SCN8A: variants seen among roughly 807,000 people sequenced by gnomAD.
SCN8A encodes the protein sodium channel protein type 8 subunit alpha.
SCN8A carries 30 observed loss-of-function variants against 184.1 expected under a neutral mutation model. The ratio of observed to expected loss-of-function variants is 0.16; its 90% CI spans 0.12 to 0.22. The LOEUF (loss-of-function observed/expected upper bound fraction) is 0.22. Ranked by LOEUF, SCN8A falls within the 10% of genes least tolerant of loss-of-function variation. The pLI, the probability that SCN8A is intolerant of heterozygous loss-of-function variation, is 1.00. For missense variants in SCN8A, 1,057 were observed against 2,498.9 expected, an observed-to-expected ratio of 0.42 and a Z score of 12.30; for synonymous variants, 852 against 907.0, an observed-to-expected ratio of 0.94 and a Z score of 1.09.
intron 26 of SCN8A, among the ~76,000 whole-genome samples, chr12:51,805,678 A>G (rs1316206229): frequency 1.3e-5 from 2 of 152,098 alleles, no homozygotes; most frequent in South Asian, 2.1e-4. Context: ...GGATCACTTG[A>G]GCCCAGGAGT....
At chr12:51,640,139 G>A (rs1940416263) in intron 1 of SCN8A, among the ~76,000 whole-genome samples, 1 of 136,294 alleles carries the variant, frequency 7.3e-6, no homozygotes, top group Non-Finnish European at 1.5e-5. Flanking sequence ...TTAAACTATT[G>A]GCCTCAGGTG....
chr12:51,780,313 G>C, intron 20 of SCN8A: 1 of 424,300 alleles, frequency 2.4e-6, no homozygotes, highest in Non-Finnish European at 4.7e-6. Flanking sequence ...TCCTTCCAGT[G>C]GAACTTCCTC....
chr12:51,790,317 C>T (rs1486992527), intron 24 of SCN8A, 81 bp from the exon 25 acceptor site: 1 of 917,226 alleles, frequency 1.1e-6, no homozygotes, highest in Non-Finnish European at 1.7e-6. Context: ...CCCCTCAGTT[C>T]TCAGTATTGA....
At chr12:51,660,266 G>A (rs1400436859) in intron 1 of SCN8A, among the ~76,000 whole-genome samples, 4 of 152,196 alleles carry the variant, frequency 2.6e-5, no homozygotes, top group African/African-American at 9.7e-5. Context: ...CAGTCTTGGA[G>A]AAGACAGGAA....
Position 51,651,137 on chromosome 12 carries a change from C to T in SCN8A, c.-54-11627C>T, listed in dbSNP as rs531787995. ...GGCCAGGTGTTCCTTGCTCTCATTC[C>T]CGTAAACCCACAACCTTCCAGCTTG... On this transcript the variant is annotated intron_variant, in intron 1 of 26. Transcript: ENST00000627620. 1.5e-4 allele frequency among the ~76,000 whole-genome samples: 23 copies of T among 152,292 alleles called. No homozygotes were observed. In the South Asian group the frequency reaches 4.8e-3, roughly 32 times the overall value.
Position 51,751,367 on chromosome 12 carries a change from C to G in SCN8A, c.2144C>G (p.Ser715Cys), listed in dbSNP as rs1942591645. The G allele has an allele frequency of 6.2e-7, 1 of 1,612,782 alleles. No individual in the cohort carries two copies. Among genetic ancestry groups the G allele is most frequent in the Non-Finnish European group, 8.5e-7 (1 of 1,179,188 alleles). Reference protein sequence around the residue: ...TNTLVEELEESQRKCPPCWYK... With the variant: ...TNTLVEELEECQRKCPPCWYK... ...TTACTTACTGTAGAACTGGAAGAGT[C>G]TCAGAGAAAGTGCCCGCCATGCTGG... The change falls in exon 14 of 27, where the codon TCT (serine) becomes TGT (cysteine). Residue 715 changes from serine to cysteine, a missense_variant. Ser to Cys is a moderately radical substitution (Grantham distance 112). Transcript: ENST00000627620.
chr12:51,750,498 G>T (rs1246542769), intron 13 of SCN8A, among the ~76,000 whole-genome samples: 5 of 152,182 alleles, frequency 3.3e-5, no homozygotes, highest in Non-Finnish European at 4.4e-5. Context: ...GTGAAAAGGG[G>T]AGAGGAGTGT....
chr12:51,740,618 T>C (rs1942406985), intron 12 of SCN8A, among the ~76,000 whole-genome samples: 1 of 152,232 alleles, frequency 6.6e-6, no homozygotes, highest in Admixed American at 6.5e-5. Flanking sequence ...ATAATGTGTA[T>C]TCTGTAGCCT....
chr12:51,697,933 C>T (rs1277163004), intron 6 of SCN8A, among the ~76,000 whole-genome samples: 1 of 152,204 alleles, frequency 6.6e-6, no homozygotes, highest in Non-Finnish European at 1.5e-5. Context: ...ACTGGAACCT[C>T]CACCCCCGCA....
At chr12:51,649,617 G>A (rs1329512010) in intron 1 of SCN8A, among the ~76,000 whole-genome samples, 1 of 152,224 alleles carries the variant, frequency 6.6e-6, no homozygotes, top group Non-Finnish European at 1.5e-5. Flanking sequence ...CTTGGCCCGA[G>A]CTCTACATTG....
At position 51,721,836 on chromosome 12, in the gene SCN8A, G is replaced by C. The variant is rs768639779; in HGVS notation, c.1926G>C (p.Thr642=). The C allele has an allele frequency of 1.2e-6, 2 of 1,605,324 alleles. No individual in the cohort carries two copies. Among genetic ancestry groups the C allele is most frequent in the African/African-American group, 2.7e-5 (2 of 74,936 alleles). ...GGCGCAGCGTGAAGCGCAACAGCAC[G>C]GTGGACTGCAACGGCGTGGTGTCCC... ...SLRRSVKRNS[T]VDCNGVVSLI... The change falls in exon 12 of 27, where the codon ACG becomes ACC. Residue 642 remains threonine, a synonymous_variant. Coordinates refer to ENST00000627620, the MANE Select transcript of SCN8A (RefSeq NM_001330260.2).
chr12:51,698,230 CTTTAAAGATGAAAAAACAGATTCTAAGA>C (rs941859144), intron 6 of SCN8A, among the ~76,000 whole-genome samples: 5 of 152,182 alleles, frequency 3.3e-5, no homozygotes, highest in African/African-American at 1.2e-4. Flanking sequence ...ATTTTCCCTA[CTTTAAAGATGAAAAAACAGATTCTAAGA>C]GGTTAGAAGG....
intron 1 of SCN8A, among the ~76,000 whole-genome samples, chr12:51,604,599 A>G (rs1478544195): frequency 6.6e-6 from 1 of 151,996 alleles, no homozygotes; most frequent in Non-Finnish European, 1.5e-5. Flanking sequence ...TCACGATCTC[A>G]GCTCACCGCA....
At chr12:51,718,907 T>TGTA (rs1488874811) in intron 11 of SCN8A, among the ~76,000 whole-genome samples, 5 of 152,206 alleles carry the variant, frequency 3.3e-5, no homozygotes, top group Admixed American at 6.5e-5. Flanking sequence ...AGGGAATGTG[T>TGTA]GTAGGTAACA....
chr12:51,683,316 C>G (rs1049302138), intron 2 of SCN8A, among the ~76,000 whole-genome samples: 4 of 152,110 alleles, frequency 2.6e-5, no homozygotes, highest in African/African-American at 9.7e-5. Context: ...GTAGAATGAG[C>G]CACATAAACA....
Position 51,706,670 on chromosome 12 carries a change from G to A in SCN8A, c.1590G>A (p.Arg530=). 6.3e-7 allele frequency: 1 copy of A among 1,595,524 alleles called. No individual in the cohort carries two copies. Among genetic ancestry groups the A allele is most frequent in the South Asian group, 1.2e-5 (1 of 86,870 alleles). Residue 530 remains arginine (R), a synonymous_variant, in exon 11 of 27, where the codon CGG becomes CGA. Transcript: ENST00000627620. ...SEDGMRRKAF[R]LPDNRIGRKF... Reference sequence around the variant, plus strand: ...ATGGCATGAGAAGGAAGGCCTTTCGGCTGCCAGACAACAGAATAGGGAGGA... The same window carrying A: ...ATGGCATGAGAAGGAAGGCCTTTCGACTGCCAGACAACAGAATAGGGAGGA...
At chr12:51,755,708 A>G (rs554958717) in intron 14 of SCN8A, among the ~76,000 whole-genome samples, 1 of 152,300 alleles carries the variant, frequency 6.6e-6, no homozygotes, top group African/African-American at 2.4e-5. Context: ...CTCTTAGGAC[A>G]TGATGAGCTA....
rs146121267 is a variant in SCN8A, at chr12:51,749,918, T to C, written c.2132-1437T>C. On this transcript the variant is annotated intron_variant, in intron 13 of 26. Coordinates refer to ENST00000627620, the MANE Select transcript of SCN8A (RefSeq NM_001330260.2). Reference sequence around the variant, plus strand: ...CCTGTAGAATCAATACCTCACATTCTGACAGGTTTTCAAAGTTCACCTCTT... The same window carrying C: ...CCTGTAGAATCAATACCTCACATTCCGACAGGTTTTCAAAGTTCACCTCTT... Among the ~76,000 whole-genome samples the C allele has an allele frequency of 5.4e-3, 821 of 152,300 alleles. 6 individuals carry two copies. The highest frequency in any genetic ancestry group is 0.019 in the African/African-American group (789 of 41,564).
chr12:51,799,878 C>T (rs191000344), intron 26 of SCN8A, among the ~76,000 whole-genome samples: 5 of 152,326 alleles, frequency 3.3e-5, no homozygotes, highest in African/African-American at 1.2e-4. Context: ...CACTGGGCCC[C>T]TAGAAATTTC....
Sources: gnomAD v4.1 joint callset for allele counts (sites outside exome capture counted in the v4.1 genomes callset) on GRCh38, gnomAD v4.1.1 for gene constraint, MANE v1.5 for transcripts, NCBI Gene and HGNC (gene_info 2026-07-23, HGNC 2026-07-21) for gene names.